The following KCNAB1 variants were observed in gnomAD, a reference collection of about 807,000 sequenced individuals.
KCNAB1 encodes the protein potassium voltage-gated channel subfamily A regulatory beta subunit 1, also known as voltage-gated potassium channel subunit beta-1.
A neutral mutation model predicts 64.6 loss-of-function variants in KCNAB1; 35 were observed. The observed-to-expected ratio is 0.54, with a 90% CI of 0.41 to 0.72. The LOEUF is 0.72. Among genes scored for constraint, KCNAB1 ranks in the 30% least tolerant of loss-of-function variants. KCNAB1 has a pLI of 0.00. For synonymous variants in KCNAB1, 177 were observed against 183.8 expected, an observed-to-expected ratio of 0.96 and a Z score of 0.30; for missense variants, 401 against 512.9, an observed-to-expected ratio of 0.78 and a Z score of 2.11.
chr3:156,302,941 A>G (rs564935491), intron 1 of KCNAB1, among the ~76,000 whole-genome samples: 1 of 152,300 alleles, frequency 6.6e-6, no homozygotes, highest in Admixed American at 6.5e-5. Flanking sequence ...ATGGGAGATG[A>G]AGCAGCGCAT....
intron 1 of KCNAB1, among the ~76,000 whole-genome samples, chr3:156,417,850 T>A (rs1559874614): frequency 6.6e-6 from 1 of 152,214 alleles, no homozygotes; most frequent in Non-Finnish European, 1.5e-5. Flanking sequence ...GAGTCTGCCT[T>A]CAGAAAGAAA....
At chr3:156,220,252 C>T (rs1208262372) in intron 1 of KCNAB1, among the ~76,000 whole-genome samples, 1 of 152,164 alleles carries the variant, frequency 6.6e-6, no homozygotes, top group Non-Finnish European at 1.5e-5. Context: ...ATCACTGGGT[C>T]AAATGGTATT....
At chr3:156,305,116 T>C (rs1304285142) in intron 1 of KCNAB1, among the ~76,000 whole-genome samples, 1 of 152,006 alleles carries the variant, frequency 6.6e-6, no homozygotes, top group African/African-American at 2.4e-5. Flanking sequence ...TTTTCAAGAG[T>C]TTCAGGATTG....
chr3:156,136,325 G>A (rs1405778725), intron 1 of KCNAB1, among the ~76,000 whole-genome samples: 1 of 152,142 alleles, frequency 6.6e-6, no homozygotes, highest in Non-Finnish European at 1.5e-5. Context: ...TATAGTTTCC[G>A]GGGGAAGAAA....
intron 8 of KCNAB1, among the ~76,000 whole-genome samples, chr3:156,487,294 C>A (rs1045576666): frequency 2.0e-5 from 3 of 152,076 alleles, no homozygotes; most frequent in Admixed American, 6.6e-5. Context: ...ACTACTTCAC[C>A]CCACATACCC....
chr3:156,488,352 G>A (rs192980443), intron 8 of KCNAB1, among the ~76,000 whole-genome samples: 15 of 151,868 alleles, frequency 9.9e-5, no homozygotes, highest in Admixed American at 7.9e-4. Context: ...TGCTTAGGAA[G>A]TTGGAGTTGG....
intron 1 of KCNAB1, among the ~76,000 whole-genome samples, chr3:156,377,007 C>A (rs904595517): frequency 3.3e-5 from 5 of 151,994 alleles, no homozygotes; most frequent in Middle Eastern, 3.2e-3. Context: ...AATAATTAAC[C>A]ATTGGTTTTC....
At chr3:156,163,020 T>C (rs1377474068) in intron 1 of KCNAB1, among the ~76,000 whole-genome samples, 1 of 152,228 alleles carries the variant, frequency 6.6e-6, no homozygotes, top group Non-Finnish European at 1.5e-5. Context: ...GAAAATTGCT[T>C]TTAAAATTCA....
intron 1 of KCNAB1, among the ~76,000 whole-genome samples, chr3:156,199,639 G>A (rs978047354): frequency 1.3e-5 from 2 of 152,174 alleles, no homozygotes; most frequent in African/African-American, 2.4e-5. Flanking sequence ...GCTTCACGAA[G>A]TTCTTGTGCT....
At chr3:156,365,034 A>T (rs1725859770) in intron 1 of KCNAB1, among the ~76,000 whole-genome samples, 1 of 152,206 alleles carries the variant, frequency 6.6e-6, no homozygotes, top group Non-Finnish European at 1.5e-5. Flanking sequence ...AACGAAGTCT[A>T]GCATAGGTAT....
At chr3:156,389,244 G>C (rs372590790) in intron 1 of KCNAB1, among the ~76,000 whole-genome samples, 1 of 152,190 alleles carries the variant, frequency 6.6e-6, no homozygotes, top group East Asian at 1.9e-4. Context: ...GCCAGTTGCA[G>C]CTGCAGTGAA....
At chr3:156,152,347 G>A (rs1207360911) in intron 1 of KCNAB1, among the ~76,000 whole-genome samples, 2 of 152,164 alleles carry the variant, frequency 1.3e-5, no homozygotes, top group African/African-American at 2.4e-5. Flanking sequence ...CCCTAAGTCA[G>A]GTGCCCATAA....
Position 156,307,387 on chromosome 3 carries a change from G to T in KCNAB1, c.276-114229G>T, listed in dbSNP as rs16825987. On this transcript the variant is annotated intron_variant, in intron 1 of 13. Transcript: ENST00000490337. ...TCATCTTTTTTTTTTTTTATTGTTG[G>T]TCTACCTCCACAAGAAAAGAAATTA... Among the ~76,000 whole-genome samples, 1,426 of 149,176 alleles carry T rather than the reference G, an allele frequency of 9.6e-3. 24 individuals carry two copies. Among genetic ancestry groups the T allele is most frequent in the African/African-American group, 0.033 (1,349 of 40,482 alleles).
intron 8 of KCNAB1, among the ~76,000 whole-genome samples, chr3:156,513,804 G>T (rs1184355031): frequency 1.3e-5 from 2 of 152,182 alleles, no homozygotes; most frequent in Non-Finnish European, 2.9e-5. Flanking sequence ...TGCAAGCTGT[G>T]AGCCACGGTG....
At chr3:156,354,124 A>ATATATATATATATATATATGTG (rs1725065759) in intron 1 of KCNAB1, among the ~76,000 whole-genome samples, 1 of 136,950 alleles carries the variant, frequency 7.3e-6, no homozygotes, top group Non-Finnish European at 1.5e-5. Context: ...GTGTGTGTAT[A>ATATATATATATATATATATGTG]TATATATATA....
At chr3:156,298,915 A>G (rs1023565867) in intron 1 of KCNAB1, among the ~76,000 whole-genome samples, 3 of 152,240 alleles carry the variant, frequency 2.0e-5, no homozygotes, top group African/African-American at 7.2e-5. Context: ...TCTGGAATTC[A>G]AGGCAAAAGT....
intron 1 of KCNAB1, among the ~76,000 whole-genome samples, chr3:156,350,485 C>T (rs1371976016): frequency 7.1e-6 from 1 of 141,328 alleles, no homozygotes; most frequent in African/African-American, 2.7e-5. Flanking sequence ...GTAGCCCCAG[C>T]AACAGAGTGA....
chr3:156,263,969 G>A (rs1042625838), intron 1 of KCNAB1, among the ~76,000 whole-genome samples: 3 of 152,060 alleles, frequency 2.0e-5, no homozygotes, highest in African/African-American at 4.8e-5. Context: ...TTGCAGGGGA[G>A]GATCTGGTTG....
chr3:156,493,414 T>G (rs13095723), intron 8 of KCNAB1, among the ~76,000 whole-genome samples: 13,544 of 152,202 alleles, frequency 0.089, 671 homozygotes, highest in African/African-American at 0.13. Context: ...AGTTTCTATT[T>G]GTTGTATGTA....
Sources: allele counts gnomAD v4.1 joint callset (sites outside exome capture counted in the v4.1 genomes callset), GRCh38; gene constraint gnomAD v4.1.1; transcripts MANE v1.5; gene names NCBI Gene and HGNC (gene_info 2026-07-23, HGNC 2026-07-21).